Variants in GPHN observed in about 807,000 individuals in gnomAD.
GPHN encodes gephyrin.
In GPHN, 17 loss-of-function variants were observed where a neutral mutation model predicts 95.5. That is an observed-to-expected ratio of 0.18 (90% CI 0.12 to 0.27). The LOEUF (loss-of-function observed/expected upper bound fraction) is 0.27. Among genes scored for constraint, GPHN ranks in the 10% least tolerant of loss-of-function variants. The pLI is 1.00. For missense variants in GPHN, 660 were observed against 978.1 expected, an observed-to-expected ratio of 0.67 and a Z score of 4.34; for synonymous variants, 320 against 322.5, an observed-to-expected ratio of 0.99 and a Z score of 0.08.
chr14:66,650,956 T>C (rs1386881235), intron 1 of GPHN, among the ~76,000 whole-genome samples: 1 of 152,142 alleles, frequency 6.6e-6, no homozygotes, highest in East Asian at 1.9e-4. Flanking sequence ...CTTAACAGCA[T>C]TTTACAGGAT....
chr14:66,756,695 CATTA>C (rs1366612724), intron 2 of GPHN, among the ~76,000 whole-genome samples: 5 of 152,096 alleles, frequency 3.3e-5, no homozygotes, highest in African/African-American at 9.7e-5. Flanking sequence ...CCTAGTTCTT[CATTA>C]ATTAAGAGAT....
At chr14:66,841,016 GATATAGATATAGATA>G (rs1567006745) in intron 4 of GPHN, among the ~76,000 whole-genome samples, 29 of 145,714 alleles carry the variant, frequency 2.0e-4, no homozygotes, top group African/African-American at 6.4e-4. Context: ...TATAGATATA[GATATAGATATAGATA>G]TAGGTATAGA....
chr14:67,207,020 T>G, the GPHN span, among the ~76,000 whole-genome samples: 158 of 152,316 alleles, frequency 1.0e-3, 1 homozygote, highest in Non-Finnish European at 1.5e-3. Flanking sequence ...TTATTCATTA[T>G]AGGATTTTCC....
chr14:67,706,487 T>A, the GPHN span, among the ~76,000 whole-genome samples: 1 of 152,260 alleles, frequency 6.6e-6, no homozygotes, highest in South Asian at 2.1e-4. Context: ...AATCAACATA[T>A]GGAAAATGAA....
the GPHN span, chr14:67,292,423 T>TA: frequency 1.1e-6 from 1 of 876,166 alleles, no homozygotes; most frequent in Non-Finnish European, 1.8e-6. Flanking sequence ...CTTAAATTGT[T>TA]ACTGGTTCAA....
chr14:66,857,793 C>G (rs905758819), intron 4 of GPHN, among the ~76,000 whole-genome samples: 20 of 152,272 alleles, frequency 1.3e-4, no homozygotes, highest in Middle Eastern at 3.4e-3. Context: ...AACACCACCC[C>G]TCCCCAGTCA....
chr14:66,959,738 A>T (rs2068771814), intron 8 of GPHN, among the ~76,000 whole-genome samples: 1 of 151,830 alleles, frequency 6.6e-6, no homozygotes, highest in Admixed American at 6.6e-5. Context: ...CCTGCTTGGG[A>T]TTGTTGAACT....
intron 1 of GPHN, among the ~76,000 whole-genome samples, chr14:66,589,268 A>C (rs1403357901): frequency 6.6e-6 from 1 of 152,200 alleles, no homozygotes; most frequent in Admixed American, 6.5e-5. Flanking sequence ...GGTACCAGCC[A>C]CTGCAAAAAC....
chr14:66,593,310 A>C (rs7154534), intron 1 of GPHN, among the ~76,000 whole-genome samples: 51,457 of 151,882 alleles, frequency 0.34, 13,151 homozygotes, highest in African/African-American at 0.69. Context: ...TAAAAAAAAA[A>C]AAAAACAAAC....
At chr14:67,288,182 C>A in the GPHN span, among the ~76,000 whole-genome samples, 1 of 152,114 alleles carries the variant, frequency 6.6e-6, no homozygotes, top group African/African-American at 2.4e-5. Flanking sequence ...GAGGTTCAAG[C>A]GATTCTCCTG....
chr14:67,555,835 T>TGGAGCAGAGGCTGCTGGAGGC, the GPHN span: 1 of 1,613,428 alleles, frequency 6.2e-7, no homozygotes, highest in Non-Finnish European at 8.5e-7. Context: ...ATGCAGGAGC[T>TGGAGCAGAGGCTGCTGGAGGC]GGAGCAGAGG....
the GPHN span, chr14:67,615,791 T>G: frequency 1.9e-6 from 1 of 537,020 alleles, no homozygotes; most frequent in Non-Finnish European, 3.5e-6. Context: ...AGCCTTTTTC[T>G]TGTTCTGTTC....
the GPHN span, among the ~76,000 whole-genome samples, chr14:67,219,957 T>C: frequency 1.3e-5 from 2 of 152,348 alleles, no homozygotes; most frequent in Non-Finnish European, 1.5e-5. Context: ...AATTTGAGAA[T>C]GTTAATTATG....
chr14:67,270,847 G>A, the GPHN span: 7 of 143,918 alleles, frequency 4.9e-5, no homozygotes, highest in Non-Finnish European at 8.8e-5. Flanking sequence ...AAATGGTGAA[G>A]TAATTATTTA....
At chr14:67,411,331 C>G in the GPHN span, among the ~76,000 whole-genome samples, 17 of 152,036 alleles carry the variant, frequency 1.1e-4, no homozygotes, top group Non-Finnish European at 2.4e-4. Context: ...CAGTTCCTGT[C>G]CCAGCTATTA....
the GPHN span, among the ~76,000 whole-genome samples, chr14:67,634,843 C>T: frequency 6.6e-6 from 1 of 152,150 alleles, no homozygotes. Context: ...TTACTTATCC[C>T]TCTCTATTAA....
At chr14:67,559,564 C>T in the GPHN span, 1 of 1,373,628 alleles carries the variant, frequency 7.3e-7, no homozygotes, top group African/African-American at 1.4e-5. Flanking sequence ...AGTCACTCTC[C>T]TGGTGATTGT....
chr14:67,173,789 T>C (rs549070201), intron 21 of GPHN, among the ~76,000 whole-genome samples: 68 of 151,670 alleles, frequency 4.5e-4, no homozygotes, highest in African/African-American at 1.5e-3. Context: ...TAATAAAAAA[T>C]ATATACAGAC....
At chr14:66,650,148 T>C (rs1411791020) in intron 1 of GPHN, among the ~76,000 whole-genome samples, 2 of 151,360 alleles carry the variant, frequency 1.3e-5, no homozygotes, top group African/African-American at 4.9e-5. Flanking sequence ...ACATAAGTTA[T>C]GGGTTCATTG....
Sources: gnomAD v4.1 joint callset for allele counts (sites outside exome capture counted in the v4.1 genomes callset) on GRCh38, gnomAD v4.1.1 for gene constraint, MANE v1.5 for transcripts, NCBI Gene and HGNC (gene_info 2026-07-23, HGNC 2026-07-21) for gene names.